Variants in NT5DC3 observed in about 807,000 individuals in gnomAD.
NT5DC3 encodes the protein 5'-nucleotidase domain containing 3.
In NT5DC3, 42 loss-of-function variants were observed where a neutral mutation model predicts 67.8. That is an observed-to-expected ratio of 0.62 (90% confidence interval 0.48 to 0.80). The LOEUF (loss-of-function observed/expected upper bound fraction) is 0.80, where lower values mean the gene tolerates loss of function less well. Among genes scored for constraint, NT5DC3 ranks in the 30% least tolerant of loss-of-function variants. The probability of loss-of-function intolerance (pLI) is 0.00; values close to 1 mark genes in which losing one functional copy is unlikely to be tolerated. For missense variants in NT5DC3, 570 were observed against 696.4 expected, an observed-to-expected ratio of 0.82 and a Z score of 2.04; for synonymous variants, 237 against 255.6, an observed-to-expected ratio of 0.93 and a Z score of 0.69.
the NT5DC3 span, among the ~76,000 whole-genome samples, chr12:103,763,154 A>C: frequency 1.3e-5 from 2 of 152,208 alleles, no homozygotes; most frequent in Admixed American, 1.3e-4. Flanking sequence ...AAGTTAAAGG[A>C]TAGGCAACAC....
the NT5DC3 span, chr12:103,757,986 G>A: frequency 2.4e-6 from 2 of 817,564 alleles, no homozygotes; most frequent in South Asian, 3.6e-5. Flanking sequence ...AGGATTCACT[G>A]AGGAAAGGAA....
chr12:103,758,316 T>C, the NT5DC3 span: 1 of 1,610,404 alleles, frequency 6.2e-7, no homozygotes, highest in Admixed American at 1.7e-5. Flanking sequence ...GTGCCTTTGC[T>C]TTAGACTAGC....
In NT5DC3 at chr12:103,814,979, C is replaced by T; in HGVS notation, c.351G>A (p.Leu117=). 1 of 1,613,284 alleles carries T rather than the reference C, an allele frequency of 6.2e-7. No individual in the cohort carries two copies. Among genetic ancestry groups the T allele is most frequent in the Non-Finnish European group, 8.5e-7 (1 of 1,179,598 alleles). ...LVFYSKHLHT[L]IFNAARDLLI... The stretch of plus-strand genomic sequence containing the variant: ...GAAGGTCCCGTGCAGCATTAAATAT[C>T]AGCGTGTGGAGGTGCTTTGAATAAA... The change falls in exon 2 of 14, where the codon CTG becomes CTA. Residue 117 remains leucine, a synonymous_variant. Coordinates refer to ENST00000392876, the MANE Select transcript of NT5DC3 (RefSeq NM_001031701.3).
intron 4 of NT5DC3, among the ~76,000 whole-genome samples, chr12:103,804,751 C>A (rs1231322355): frequency 6.6e-6 from 1 of 152,120 alleles, no homozygotes; most frequent in African/African-American, 2.4e-5. Context: ...CACGGCACTA[C>A]CTGGCTTAAG....
intron 2 of NT5DC3, among the ~76,000 whole-genome samples, chr12:103,809,088 A>C (rs1593416134): frequency 6.6e-6 from 1 of 152,150 alleles, no homozygotes; most frequent in Non-Finnish European, 1.5e-5. Flanking sequence ...ACCCAAGTCC[A>C]CCCCTAACCA....
At chr12:103,766,130 C>A, downstream of NT5DC3, 1 of 1,023,248 alleles carries the variant, frequency 9.8e-7, no homozygotes, top group Admixed American at 2.0e-5. Context: ...CATCCTGCCT[C>A]CCAACACAAG....
In NT5DC3 at chr12:103,814,970, A is replaced by C. The variant is rs983039350; in HGVS notation, c.360T>G (p.Asn120Lys). The change falls in exon 2 of 14, where the codon AAT becomes AAG. Residue 120 changes from asparagine to lysine, a missense_variant. Physicochemically the swap from Asn to Lys is moderately conservative, Grantham distance 94. Around this residue, in one of 2 missense-constraint regions of NT5DC3, gnomAD observed 466 missense variants for 608.0 expected, o/e 0.77. Transcript: ENST00000392876. ...CATTGATGAGAAGGTCCCGTGCAGC[A>C]TTAAATATCAGCGTGTGGAGGTGCT... is the stretch of plus-strand genomic sequence containing the variant. The part of the protein sequence containing the change: ...YSKHLHTLIF[N>K]AARDLLINEH... 1 of 1,613,244 alleles carries C rather than the reference A, an allele frequency of 6.2e-7. No individual in the cohort carries two copies. Among genetic ancestry groups the C allele is most frequent in the Admixed American group, 1.7e-5 (1 of 59,904 alleles).
At chr12:103,762,164 G>A in the NT5DC3 span, 2 of 1,443,938 alleles carry the variant, frequency 1.4e-6, no homozygotes, top group East Asian at 2.3e-5. Context: ...ATGTTAACAT[G>A]TCAGTATTTT....
intron 1 of NT5DC3, 25 bp downstream of exon 1, chr12:103,840,923 CG>C (rs1465669827): frequency 2.3e-6 from 3 of 1,308,684 alleles, no homozygotes; most frequent in East Asian, 3.1e-5. Context: ...CCCCAGGCGC[CG>C]GGGCGGGGTC....
At chr12:103,746,768 A>G in the NT5DC3 span, 18 of 1,528,484 alleles carry the variant, frequency 1.2e-5, no homozygotes, top group Non-Finnish European at 1.4e-5. Context: ...GGACTTGCTC[A>G]CAGTGCCTGG....
the NT5DC3 span, chr12:103,753,207 C>T: frequency 6.2e-7 from 1 of 1,613,866 alleles, no homozygotes; most frequent in East Asian, 2.2e-5. Flanking sequence ...GATTCCTCCT[C>T]TTCCTCATCC....
the NT5DC3 span, chr12:103,758,983 C>T: frequency 7.5e-7 from 1 of 1,325,372 alleles, no homozygotes; most frequent in Non-Finnish European, 1.1e-6. Flanking sequence ...CAACCAGAAG[C>T]CTAAGAAAAC....
chr12:103,771,942 C>A (rs1393623272), downstream of NT5DC3, among the ~76,000 whole-genome samples: 1 of 152,072 alleles, frequency 6.6e-6, no homozygotes, highest in Admixed American at 6.5e-5. Context: ...AGTCCACCAA[C>A]ACCCACCATC....
chr12:103,817,275 A>T (rs577408947), intron 1 of NT5DC3, among the ~76,000 whole-genome samples: 1 of 152,366 alleles, frequency 6.6e-6, no homozygotes, highest in Non-Finnish European at 1.5e-5. Context: ...TTCTCATCAG[A>T]TTAATCATTT....
At chr12:103,764,565 A>G in the NT5DC3 span, among the ~76,000 whole-genome samples, 1 of 152,240 alleles carries the variant, frequency 6.6e-6, no homozygotes, top group South Asian at 2.1e-4. Context: ...AAAAAAATAC[A>G]TAGGAATAGA....
chr12:103,834,171 C>T (rs1337422554), intron 1 of NT5DC3, among the ~76,000 whole-genome samples: 2 of 152,112 alleles, frequency 1.3e-5, no homozygotes, highest in African/African-American at 4.8e-5. Context: ...GCCCCTCCAG[C>T]TCCCACTGAG....
At position 103,776,182 on chromosome 12, in the gene NT5DC3, T is replaced by C. The variant is rs1885332633; in HGVS notation, c.*1647A>G. On this transcript the variant is annotated 3_prime_UTR_variant, in exon 14 of 14. Coordinates refer to ENST00000392876, the MANE Select transcript of NT5DC3 (RefSeq NM_001031701.3). ...TAAATATGCACTTTACATTGAAGGA[T>C]ACTACAAATGCAGGTGCAATTAAGG... The C allele has an allele frequency of 6.6e-6, 1 of 152,152 alleles. No homozygotes were observed. Among genetic ancestry groups the C allele is most frequent in the African/African-American group, 2.4e-5 (1 of 41,440 alleles). 9.4% of individuals were successfully genotyped at this position (152,152 alleles called of 1,614,324 possible).
chr12:103,834,920 A>G (rs1444060288), intron 1 of NT5DC3, among the ~76,000 whole-genome samples: 1 of 152,208 alleles, frequency 6.6e-6, no homozygotes, highest in Non-Finnish European at 1.5e-5. Flanking sequence ...GGAGATCTAC[A>G]TGTTTTAAAT....
At chr12:103,825,611 T>C (rs1462307337) in intron 1 of NT5DC3, among the ~76,000 whole-genome samples, 2 of 151,976 alleles carry the variant, frequency 1.3e-5, no homozygotes, top group African/African-American at 4.8e-5. Context: ...GCGGAGCAAA[T>C]CAAAACTCTG....
Sources: allele counts gnomAD v4.1 joint callset (sites outside exome capture counted in the v4.1 genomes callset), GRCh38; gene constraint gnomAD v4.1.1; regional missense constraint gnomAD v4.1.1; transcripts MANE v1.5; gene names NCBI Gene and HGNC (gene_info 2026-07-23, HGNC 2026-07-21).